ANTXR1: variants seen among roughly 807,000 people sequenced by gnomAD.
The protein encoded by ANTXR1 is anthrax toxin receptor 1.
ANTXR1 carries 19 observed loss-of-function variants against 78.1 expected under a neutral mutation model. That is an observed-to-expected ratio of 0.24 (90% confidence interval 0.17 to 0.36). The LOEUF (loss-of-function observed/expected upper bound fraction) is 0.36. Ranked by LOEUF, ANTXR1 falls within the 10% of genes least tolerant of loss-of-function variation. The pLI is 1.00. For synonymous variants in ANTXR1, 273 were observed against 260.5 expected (o/e 1.05, Z -0.46); for missense variants, 518 against 718.6 (o/e 0.72, Z 3.19).
intron 12 of ANTXR1, among the ~76,000 whole-genome samples, chr2:69,139,484 G>T (rs76309369): frequency 1.3e-5 from 2 of 152,190 alleles, no homozygotes; most frequent in Admixed American, 1.3e-4. Flanking sequence ...TGTTGAGCAT[G>T]CATTAGAAAC....
At chr2:69,032,563 G>A (rs1439887710) in intron 1 of ANTXR1, among the ~76,000 whole-genome samples, 12 of 152,138 alleles carry the variant, frequency 7.9e-5, no homozygotes. Context: ...TGGCTACTGT[G>A]GCTTCATCTC....
intron 8 of ANTXR1, among the ~76,000 whole-genome samples, chr2:69,087,742 C>A (rs1407140835): frequency 6.6e-6 from 1 of 152,138 alleles, no homozygotes; most frequent in Non-Finnish European, 1.5e-5. Flanking sequence ...GCTGTGTCTA[C>A]ACCTCTGCCA....
intron 17 of ANTXR1, among the ~76,000 whole-genome samples, chr2:69,234,251 T>C (rs1358899448): frequency 6.6e-6 from 1 of 152,118 alleles, no homozygotes; most frequent in African/African-American, 2.4e-5. Context: ...GGAACAGAGA[T>C]CTGAAAACAC....
chr2:69,225,633 T>A (rs1463803583), intron 17 of ANTXR1, among the ~76,000 whole-genome samples: 1 of 151,996 alleles, frequency 6.6e-6, no homozygotes, highest in Non-Finnish European at 1.5e-5. Context: ...CTCATTAACC[T>A]CATGGGTAGG....
intron 8 of ANTXR1, among the ~76,000 whole-genome samples, chr2:69,080,225 T>A (rs1670861000): frequency 6.6e-6 from 1 of 152,174 alleles, no homozygotes; most frequent in Non-Finnish European, 1.5e-5. Context: ...CTCATCTTTC[T>A]TAAATCAGAC....
chr2:69,140,412 T>C (rs1673037763), intron 12 of ANTXR1, among the ~76,000 whole-genome samples: 1 of 152,232 alleles, frequency 6.6e-6, no homozygotes, highest in Non-Finnish European at 1.5e-5. Context: ...TCCAAATATA[T>C]TCTGCACTCT....
Position 69,175,532 on chromosome 2 carries a change from G to A in ANTXR1, c.1089+5243G>A, listed in dbSNP as rs543158899. ...CCAGCTACTGGGGAGGCTGAGGCTGGAGGGTCACTTAAGCCCAGAAGCTGG... is the reference window on the plus strand; with the variant it reads ...CCAGCTACTGGGGAGGCTGAGGCTGAAGGGTCACTTAAGCCCAGAAGCTGG... On this transcript the variant is annotated intron_variant, in intron 14 of 17. Transcript: ENST00000303714. Among the ~76,000 whole-genome samples, 7 of 152,266 alleles carry A rather than the reference G, an allele frequency of 4.6e-5. No homozygotes were observed. In the East Asian group the frequency reaches 1.4e-3, roughly 29 times the overall value.
intron 12 of ANTXR1, among the ~76,000 whole-genome samples, chr2:69,138,631 CG>C (rs1672984070): frequency 6.6e-6 from 1 of 152,110 alleles, no homozygotes; most frequent in Non-Finnish European, 1.5e-5. Flanking sequence ...TATTTCTCCT[CG>C]AAAGAAGAGT....
intron 17 of ANTXR1, among the ~76,000 whole-genome samples, chr2:69,214,763 C>T (rs1675136281): frequency 6.6e-6 from 1 of 152,246 alleles, no homozygotes; most frequent in Non-Finnish European, 1.5e-5. Context: ...GGTCTGTGCT[C>T]TGTGGGCCCA....
chr2:69,039,055 A>G (rs1229997359), intron 1 of ANTXR1, among the ~76,000 whole-genome samples: 1 of 152,224 alleles, frequency 6.6e-6, no homozygotes, highest in Non-Finnish European at 1.5e-5. Flanking sequence ...ATCAGTGGAA[A>G]ATGTTTGCAA....
At chr2:69,090,705 G>A in intron 8 of ANTXR1, 154 bp from the exon 9 acceptor site, 1 of 694,186 alleles carries the variant, frequency 1.4e-6, no homozygotes, top group Non-Finnish European at 2.6e-6. Flanking sequence ...TTTGGTATTG[G>A]TACTAGTCAA....
chr2:69,021,995 C>T (rs72895409), intron 1 of ANTXR1, among the ~76,000 whole-genome samples: 1,676 of 152,238 alleles, frequency 0.011, 22 homozygotes, highest in African/African-American at 0.037. Flanking sequence ...GTGAGGTGGG[C>T]GGGGGATTAA....
chr2:69,091,873 G>A (rs184650171), intron 9 of ANTXR1, among the ~76,000 whole-genome samples: 5 of 152,268 alleles, frequency 3.3e-5, no homozygotes, highest in East Asian at 1.9e-4. Context: ...GGTCATGCTC[G>A]TTTCATATTT....
At chr2:69,156,100 A>G (rs1049137279) in intron 13 of ANTXR1, among the ~76,000 whole-genome samples, 1 of 152,148 alleles carries the variant, frequency 6.6e-6, no homozygotes, top group Non-Finnish European at 1.5e-5. Flanking sequence ...TGATGGGGCC[A>G]CTGCACATTT....
At chr2:69,157,138 T>A (rs1558607497) in intron 13 of ANTXR1, among the ~76,000 whole-genome samples, 1 of 152,046 alleles carries the variant, frequency 6.6e-6, no homozygotes, top group African/African-American at 2.4e-5. Context: ...CACTTCTCAT[T>A]CTTCTTTACC....
At chr2:69,051,233 G>A (rs1669923483) in intron 3 of ANTXR1, among the ~76,000 whole-genome samples, 1 of 151,464 alleles carries the variant, frequency 6.6e-6, no homozygotes, top group African/African-American at 2.4e-5. Flanking sequence ...AGCTGAGATC[G>A]CACCACTGCA....
In ANTXR1 at chr2:69,215,404, A is replaced by G. The variant is rs919083619; in HGVS notation, c.1434+21989A>G. On this transcript the variant is annotated intron_variant, in intron 17 of 17. Coordinates refer to ENST00000303714, the MANE Select transcript of ANTXR1 (RefSeq NM_032208.3). ...CAGATGTTTCCCTATTAGGCAACTT[A>G]TTAGAATATCTTACAGCTCAGAGCA... Among the ~76,000 whole-genome samples, 227 of 152,216 alleles carry G rather than the reference A, an allele frequency of 1.5e-3. 5 individuals are homozygous for G. The highest frequency in any genetic ancestry group is 8.8e-5 in the Non-Finnish European group (6 of 68,032).
Position 69,040,030 on chromosome 2 carries a change from T to C in ANTXR1, c.153-14T>C. ...AACACCTGAGTCACGCAACACCTGC[T>C]TTTGTTTTCCTAGATCAGGAAGTGT... On this transcript the variant is annotated splice_polypyrimidine_tract_variant and intron_variant, in intron 1 of 17. Coordinates refer to ENST00000303714, the MANE Select transcript of ANTXR1 (RefSeq NM_032208.3). 1 of 1,612,376 alleles carries C rather than the reference T, an allele frequency of 6.2e-7. No individual in the cohort carries two copies. The highest frequency in any genetic ancestry group is 1.1e-5 in the South Asian group (1 of 91,020).
At chr2:69,157,840 T>G (rs545790036) in intron 13 of ANTXR1, among the ~76,000 whole-genome samples, 1 of 152,352 alleles carries the variant, frequency 6.6e-6, no homozygotes, top group Non-Finnish European at 1.5e-5. Flanking sequence ...AAAGAGACTT[T>G]TCATTTTTAA....
Sources: gnomAD v4.1 joint callset for allele counts (sites outside exome capture counted in the v4.1 genomes callset) on GRCh38, gnomAD v4.1.1 for gene constraint, MANE v1.5 for transcripts, NCBI Gene and HGNC (gene_info 2026-07-23, HGNC 2026-07-21) for gene names.